The following OPCML variants were observed in gnomAD, a reference collection of about 807,000 sequenced individuals.
OPCML encodes the protein opioid binding protein/cell adhesion molecule like.
In OPCML, 13 loss-of-function variants were observed where a neutral mutation model predicts 37.8. That is an observed-to-expected ratio of 0.34 (90% CI 0.22 to 0.55). The LOEUF is 0.55. Ranked by LOEUF, OPCML falls within the 20% of genes least tolerant of loss-of-function variation. The probability of loss-of-function intolerance (pLI) is 0.91; values close to 1 mark genes in which losing one functional copy is unlikely to be tolerated. For missense variants in OPCML, 341 were observed against 435.6 expected, an observed-to-expected ratio of 0.78 and a Z score of 1.93; for synonymous variants, 176 against 168.8, an observed-to-expected ratio of 1.04 and a Z score of -0.33.
chr11:133,409,527 G>T (rs188872311), intron 1 of OPCML, among the ~76,000 whole-genome samples: 8 of 152,226 alleles, frequency 5.3e-5, no homozygotes, highest in Non-Finnish European at 1.0e-4. Flanking sequence ...AATCACTACC[G>T]CTGAGCTCCT....
At chr11:132,799,292 G>A (rs935594469) in intron 2 of OPCML, among the ~76,000 whole-genome samples, 2 of 152,136 alleles carry the variant, frequency 1.3e-5, no homozygotes, top group African/African-American at 2.4e-5. Flanking sequence ...CAGCTTCTAT[G>A]TGAGCTCTTG....
chr11:132,830,922 A>C (rs1369111035), intron 2 of OPCML, among the ~76,000 whole-genome samples: 2 of 152,252 alleles, frequency 1.3e-5, no homozygotes, highest in Admixed American at 6.5e-5. Flanking sequence ...CAGAAGAAGC[A>C]GAACTAAATT....
At chr11:133,102,393 T>C (rs1949095756) in intron 1 of OPCML, among the ~76,000 whole-genome samples, 2 of 152,178 alleles carry the variant, frequency 1.3e-5, no homozygotes, top group South Asian at 2.1e-4. Flanking sequence ...GCTAAGAGAA[T>C]TGTTCTCAGG....
chr11:133,237,661 T>C (rs1283995656), intron 1 of OPCML, among the ~76,000 whole-genome samples: 1 of 152,184 alleles, frequency 6.6e-6, no homozygotes, highest in Non-Finnish European at 1.5e-5. Flanking sequence ...ATGAGGGGCT[T>C]GCAGAAATAA....
chr11:133,322,251 T>C (rs549281022), intron 1 of OPCML, among the ~76,000 whole-genome samples: 10 of 152,198 alleles, frequency 6.6e-5, no homozygotes, highest in Non-Finnish European at 1.5e-4. Flanking sequence ...CACTGACTGA[T>C]GGTAATTGGG....
At chr11:133,499,569 G>A (rs1025992251) in intron 1 of OPCML, among the ~76,000 whole-genome samples, 1 of 151,818 alleles carries the variant, frequency 6.6e-6, no homozygotes, top group Admixed American at 6.6e-5. Context: ...CTCTTTGTGG[G>A]CTGCACTCGT....
At chr11:133,156,383 T>A (rs1193316077) in intron 1 of OPCML, among the ~76,000 whole-genome samples, 1 of 152,194 alleles carries the variant, frequency 6.6e-6, no homozygotes, top group Non-Finnish European at 1.5e-5. Context: ...GGTGACTCAG[T>A]TTTACCGCCA....
At chr11:132,794,371 G>A (rs1054943093) in intron 2 of OPCML, among the ~76,000 whole-genome samples, 4 of 152,148 alleles carry the variant, frequency 2.6e-5, no homozygotes, top group Admixed American at 1.3e-4. Flanking sequence ...CAGCTGCCGG[G>A]CCTAAAGATT....
chr11:133,423,510 C>T (rs1945936421), intron 1 of OPCML: 1 of 985,002 alleles, frequency 1.0e-6, no homozygotes, highest in Non-Finnish European at 1.2e-6. Flanking sequence ...AGCTCCCAAA[C>T]TGGAGAAAAG....
chr11:133,162,046 C>T (rs1173266221), intron 1 of OPCML, among the ~76,000 whole-genome samples: 2 of 122,540 alleles, frequency 1.6e-5, no homozygotes, highest in Non-Finnish European at 3.3e-5. Flanking sequence ...TTTGTATTGA[C>T]CACTTCCTCA....
In OPCML at chr11:132,809,306, G is replaced by A. The variant is rs1423162961; in HGVS notation, c.146+133620C>T. Among the ~76,000 whole-genome samples the A allele has an allele frequency of 2.0e-5, 3 of 152,298 alleles. No homozygotes were observed. The South Asian group carries it at 6.2e-4, about 32-fold the overall frequency. On this transcript the variant is annotated intron_variant, in intron 2 of 7. Transcript: ENST00000524381. ...AAATGAGGTGGGAAGACAGAGGAGAGCAGTGAGCACAAGTGTGAAGGAAGT... is the reference window on the plus strand; with the variant it reads ...AAATGAGGTGGGAAGACAGAGGAGAACAGTGAGCACAAGTGTGAAGGAAGT...
intron 1 of OPCML, among the ~76,000 whole-genome samples, chr11:133,248,918 T>C (rs1941038871): frequency 6.6e-6 from 1 of 152,096 alleles, no homozygotes; most frequent in African/African-American, 2.4e-5. Flanking sequence ...TCAGGAGAAA[T>C]CGTGAGATTA....
chr11:133,024,241 G>A (rs1347572806), intron 1 of OPCML: 1 of 552,310 alleles, frequency 1.8e-6, no homozygotes, highest in African/African-American at 2.1e-5. Flanking sequence ...CAGGTTGGTG[G>A]GGGGCTGGGG....
chr11:132,871,258 A>G (rs75887718), intron 2 of OPCML, among the ~76,000 whole-genome samples: 14,774 of 151,712 alleles, frequency 0.097, 1,256 homozygotes, highest in African/African-American at 0.22. Context: ...TGTGGGTTCC[A>G]CATCCATGAA....
At chr11:133,503,329 G>A (rs1440610572) in intron 1 of OPCML, among the ~76,000 whole-genome samples, 1 of 152,112 alleles carries the variant, frequency 6.6e-6, no homozygotes, top group Non-Finnish European at 1.5e-5. Context: ...GGCTGCCTTT[G>A]AGAAGATTTA....
chr11:133,468,993 G>A (rs533339910), intron 1 of OPCML, among the ~76,000 whole-genome samples: 1 of 152,270 alleles, frequency 6.6e-6, no homozygotes, highest in African/African-American at 2.4e-5. Flanking sequence ...TGAAGGCTGT[G>A]GCTGCTGCCC....
intron 2 of OPCML, among the ~76,000 whole-genome samples, chr11:132,698,584 T>G (rs1943691236): frequency 6.6e-6 from 1 of 152,242 alleles, no homozygotes; most frequent in South Asian, 2.1e-4. Flanking sequence ...TTCTTTAGGC[T>G]GTCTCTTCAC....
intron 3 of OPCML, among the ~76,000 whole-genome samples, chr11:132,549,644 T>C (rs1385210066): frequency 1.3e-5 from 2 of 152,182 alleles, no homozygotes; most frequent in East Asian, 1.9e-4. Context: ...GCTGCAGACA[T>C]AGACAAGCAA....
chr11:132,722,911 TC>T (rs374383921), intron 2 of OPCML, among the ~76,000 whole-genome samples: 68 of 152,266 alleles, frequency 4.5e-4, no homozygotes, highest in African/African-American at 1.6e-3. Context: ...CACAGTACTC[TC>T]CATATCCTAT....
Sources: allele counts gnomAD v4.1 joint callset (sites outside exome capture counted in the v4.1 genomes callset), GRCh38; gene constraint gnomAD v4.1.1; transcripts MANE v1.5; gene names NCBI Gene and HGNC (gene_info 2026-07-23, HGNC 2026-07-21).